The following USP25 variants were observed in gnomAD, a reference collection of about 807,000 sequenced individuals.
The protein encoded by USP25 is ubiquitin specific peptidase 25.
USP25 carries 85 observed loss-of-function variants against 158.5 expected under a neutral mutation model. The observed-to-expected ratio is 0.54, with a 90% confidence interval of 0.45 to 0.64. The LOEUF is 0.64. Ranked by LOEUF, USP25 falls within the 30% of genes least tolerant of loss-of-function variation. USP25 has a pLI of 0.00. For missense variants in USP25, 1,242 were observed against 1,327.3 expected, an observed-to-expected ratio of 0.94 and a Z score of 1.00; for synonymous variants, 464 against 460.4, an observed-to-expected ratio of 1.01 and a Z score of -0.10.
rs567225120 is a variant in USP25 at position 15,787,063 on chromosome 21, A to C, written c.393-4439A>C. On this transcript the variant is annotated intron_variant, in intron 4 of 25. Transcript: ENST00000400183. ...GAATAAACTTAACCAAAGAGATAAAAGATCTCTACACTGAAAGCTATAAAA... is the reference window on the plus strand; with the variant it reads ...GAATAAACTTAACCAAAGAGATAAACGATCTCTACACTGAAAGCTATAAAA... Among the ~76,000 whole-genome samples, 44 of 152,232 alleles carry C rather than the reference A, an allele frequency of 2.9e-4. No individual in the cohort carries two copies. In the South Asian group the frequency reaches 9.1e-3, roughly 32 times the overall value.
chr21:15,857,029 G>A (rs374337421), intron 20 of USP25, among the ~76,000 whole-genome samples: 2 of 152,176 alleles, frequency 1.3e-5, no homozygotes, highest in Middle Eastern at 3.2e-3. Flanking sequence ...TCTAATTTAG[G>A]AAACTGTCTC....
intron 10 of USP25, among the ~76,000 whole-genome samples, chr21:15,821,116 T>G (rs1172402585): frequency 2.6e-5 from 4 of 151,986 alleles, no homozygotes; most frequent in Non-Finnish European, 4.4e-5. Context: ...ACTTCACTTG[T>G]AGTGTGAGTA....
intron 4 of USP25, among the ~76,000 whole-genome samples, chr21:15,791,155 A>G (rs891293316): frequency 3.3e-5 from 5 of 151,876 alleles, no homozygotes; most frequent in Admixed American, 2.6e-4. Flanking sequence ...TCATCATGTT[A>G]TATTGTAAAT....
intron 23 of USP25, among the ~76,000 whole-genome samples, chr21:15,874,000 A>T (rs1376291947): frequency 6.6e-6 from 1 of 152,186 alleles, no homozygotes; most frequent in Admixed American, 6.5e-5. Flanking sequence ...AAACCAAATG[A>T]TGTTTGTGAT....
At chr21:15,770,656 G>T (rs1435162146) in intron 3 of USP25, among the ~76,000 whole-genome samples, 1 of 152,108 alleles carries the variant, frequency 6.6e-6, no homozygotes. Context: ...CAATATAGTT[G>T]CCACTAGTCA....
chr21:15,752,407 G>T (rs1158149093), intron 1 of USP25, among the ~76,000 whole-genome samples: 1 of 151,832 alleles, frequency 6.6e-6, no homozygotes, highest in Non-Finnish European at 1.5e-5. Context: ...GTAGAGACTG[G>T]GTTTCACCAT....
intron 1 of USP25, among the ~76,000 whole-genome samples, chr21:15,735,982 ATG>A (rs901227357): frequency 2.5e-3 from 302 of 119,574 alleles, no homozygotes; most frequent in East Asian, 0.018. Context: ...GTGTGTGTGT[ATG>A]TGTGTGTGTG....
intron 20 of USP25, among the ~76,000 whole-genome samples, chr21:15,863,561 C>G (rs1170116541): frequency 6.6e-6 from 1 of 152,122 alleles, no homozygotes; most frequent in African/African-American, 2.4e-5. Flanking sequence ...AGTGTTCAAA[C>G]TGATGCTTAG....
chr21:15,835,057 C>T (rs1463717046), intron 17 of USP25, among the ~76,000 whole-genome samples: 3 of 152,210 alleles, frequency 2.0e-5, no homozygotes, highest in Non-Finnish European at 4.4e-5. Flanking sequence ...TCCTCAGAAC[C>T]TGCCCCAAGA....
chr21:15,757,078 C>G (rs923431186), intron 1 of USP25, among the ~76,000 whole-genome samples: 1 of 152,076 alleles, frequency 6.6e-6, no homozygotes, highest in Non-Finnish European at 1.5e-5. Flanking sequence ...GAAAAACAGA[C>G]TAGGGTCTTA....
At chr21:15,740,016 G>A (rs1171147940) in intron 1 of USP25, among the ~76,000 whole-genome samples, 1 of 151,960 alleles carries the variant, frequency 6.6e-6, no homozygotes, top group African/African-American at 2.4e-5. Context: ...TTTAGTTTTT[G>A]GTTCTCTGAA....
At chr21:15,860,975 T>TAGAGAGAGAGAG (rs1555862138) in intron 20 of USP25, among the ~76,000 whole-genome samples, 1 of 140,624 alleles carries the variant, frequency 7.1e-6, no homozygotes, top group African/African-American at 2.6e-5. Flanking sequence ...TATATATATA[T>TAGAGAGAGAGAG]AGAGAGAGAG....
chr21:15,842,260 GA>G (rs2038371323), intron 17 of USP25, 137 bp from the exon 18 acceptor site: 1 of 859,882 alleles, frequency 1.2e-6, no homozygotes, highest in Non-Finnish European at 1.7e-6. Flanking sequence ...GCTATACGTG[GA>G]AAGATATATT....
intron 7 of USP25, among the ~76,000 whole-genome samples, chr21:15,805,874 T>C (rs2036361711): frequency 6.6e-6 from 1 of 152,206 alleles, no homozygotes; most frequent in Non-Finnish European, 1.5e-5. Context: ...CAATGTGTAA[T>C]GGCAGAAGTT....
At chr21:15,854,860 C>G (rs545016609) in intron 20 of USP25, among the ~76,000 whole-genome samples, 11 of 152,148 alleles carry the variant, frequency 7.2e-5, no homozygotes, top group Non-Finnish European at 1.5e-4. Flanking sequence ...CAATGGGCTA[C>G]ACTACACTAA....
intron 18 of USP25, among the ~76,000 whole-genome samples, chr21:15,844,739 C>T (rs2038498803): frequency 6.6e-6 from 1 of 152,104 alleles, no homozygotes; most frequent in Non-Finnish European, 1.5e-5. Context: ...ACTCACTACT[C>T]ATAGTTAATT....
chr21:15,740,627 G>C (rs1417407730), intron 1 of USP25, among the ~76,000 whole-genome samples: 1 of 55,364 alleles, frequency 1.8e-5, no homozygotes, highest in African/African-American at 4.6e-5. Flanking sequence ...TAATCTTCCT[G>C]TTTCTTTCTG....
intron 7 of USP25, among the ~76,000 whole-genome samples, chr21:15,806,108 T>TA (rs559669495): frequency 8.3e-4 from 127 of 152,188 alleles, no homozygotes; most frequent in Admixed American, 2.0e-3. Context: ...GTTGCATTTT[T>TA]AAAAAAAATT....
At chr21:15,799,018 G>T (rs76491942) in intron 5 of USP25, among the ~76,000 whole-genome samples, 11,469 of 151,238 alleles carry the variant, frequency 0.076, 493 homozygotes, top group East Asian at 0.091. Context: ...ATACACAAGT[G>T]TGTAAAATAT....
Sources: gnomAD v4.1 joint callset for allele counts (sites outside exome capture counted in the v4.1 genomes callset) on GRCh38, gnomAD v4.1.1 for gene constraint, MANE v1.5 for transcripts, NCBI Gene and HGNC (gene_info 2026-07-23, HGNC 2026-07-21) for gene names.